Variants in SNX25 observed in about 807,000 individuals in gnomAD.
SNX25 encodes sorting nexin 25, also known as sorting nexin-25.
SNX25 carries 62 observed loss-of-function variants against 113.7 expected under a neutral mutation model. The ratio of observed to expected loss-of-function variants is 0.55; its 90% CI spans 0.44 to 0.67. The LOEUF (loss-of-function observed/expected upper bound fraction) is 0.67. SNX25 is among the 30% of genes least tolerant of loss of function. SNX25 has a pLI of 0.00. For synonymous variants in SNX25, 421 were observed against 436.2 expected (o/e 0.97, Z 0.43); for missense variants, 1,014 against 1,161.0 (o/e 0.87, Z 1.84).
chr4:185,211,705 T>G (rs933815281), intron 1 of SNX25, among the ~76,000 whole-genome samples: 7 of 152,098 alleles, frequency 4.6e-5, no homozygotes, highest in Non-Finnish European at 1.0e-4. Context: ...ATAAATACTG[T>G]GGGATAGTGA....
At chr4:185,284,328 C>G (rs545020141) in intron 5 of SNX25, among the ~76,000 whole-genome samples, 1 of 152,216 alleles carries the variant, frequency 6.6e-6, no homozygotes, top group East Asian at 1.9e-4. Flanking sequence ...AAGTGTGACT[C>G]TTTAAAACAG....
At chr4:185,244,835 C>CT (rs896072798) in intron 1 of SNX25, among the ~76,000 whole-genome samples, 61 of 152,114 alleles carry the variant, frequency 4.0e-4, no homozygotes, top group African/African-American at 1.3e-3. Context: ...CTTTTTTCCT[C>CT]TTTTTTTATA....
At chr4:185,270,079 C>CA (rs35691426) in intron 5 of SNX25, among the ~76,000 whole-genome samples, 2,287 of 123,440 alleles carry the variant, frequency 0.019, 39 homozygotes, top group African/African-American at 0.047. Context: ...AGAAGTAGCT[C>CA]AAAAAAAAAA....
chr4:185,301,143 G>C (rs936060443), intron 6 of SNX25, among the ~76,000 whole-genome samples: 5 of 152,092 alleles, frequency 3.3e-5, no homozygotes, highest in African/African-American at 1.2e-4. Flanking sequence ...TAAACAGGCG[G>C]GCCTTGCTGG....
At chr4:185,278,591 A>G (rs1750092093) in intron 5 of SNX25, among the ~76,000 whole-genome samples, 1 of 152,192 alleles carries the variant, frequency 6.6e-6, no homozygotes, top group Non-Finnish European at 1.5e-5. Context: ...GAAGGTAAAT[A>G]CACTTTCAGA....
In SNX25 at chr4:185,209,847, C is replaced by T; in HGVS notation, c.21C>T (p.Asp7=). The T allele has an allele frequency of 2.5e-5, 25 of 983,492 alleles. No homozygotes were observed. The highest frequency in any genetic ancestry group is 3.0e-5 in the Non-Finnish European group (25 of 829,230). 60.9% of individuals were successfully genotyped at this position (983,492 alleles called of 1,614,324 possible). A position where few individuals can be genotyped will look rare whatever the true frequency, so the allele number is the denominator to read the frequency against. ...GCAGCATGCACCCCGATGCGACCGA[C>T]AGTGGCGGCGCCGGCCCCAGCCCCG... MHPDAT[D]SGGAGPSPAR... is the part of the protein sequence containing the mutation. The change falls in exon 1 of 19, where the codon GAC becomes GAT. Residue 7 remains aspartate (D), a synonymous_variant. Transcript: ENST00000652585. The surrounding 1 kb of genome is among the most constrained non-coding windows in gnomAD (Gnocchi z 5.2).
At chr4:185,315,542 C>T (rs1044393905) in intron 7 of SNX25, among the ~76,000 whole-genome samples, 5 of 152,104 alleles carry the variant, frequency 3.3e-5, no homozygotes, top group Non-Finnish European at 7.3e-5. Context: ...GATCCGCCTG[C>T]CTCTGTCTCC....
intron 7 of SNX25, among the ~76,000 whole-genome samples, chr4:185,311,865 T>C (rs2095033516): frequency 6.6e-6 from 1 of 152,228 alleles, no homozygotes; most frequent in Admixed American, 6.5e-5. Flanking sequence ...TACAGCATCT[T>C]ACACAAGTGG....
intron 6 of SNX25, among the ~76,000 whole-genome samples, 186 bp downstream of exon 6, chr4:185,288,268 C>T (rs1751624977): frequency 6.6e-6 from 1 of 152,156 alleles, no homozygotes; most frequent in Non-Finnish European, 1.5e-5. Context: ...TAACAACAAC[C>T]TTTGTCTGTA....
At chr4:185,278,095 T>C (rs1750015765) in intron 5 of SNX25, among the ~76,000 whole-genome samples, 1 of 152,224 alleles carries the variant, frequency 6.6e-6, no homozygotes, top group South Asian at 2.1e-4. Context: ...TTTTTAGTAA[T>C]GATGTGTTTA....
At chr4:185,376,908 C>A in the SNX25 span, 1 of 1,598,940 alleles carries the variant, frequency 6.3e-7, no homozygotes, top group Non-Finnish European at 8.6e-7. Flanking sequence ...AAAAATGATA[C>A]CTCTTCAAAA....
chr4:185,357,871 A>C, intron 16 of SNX25, 134 bp downstream of exon 16: 2 of 735,636 alleles, frequency 2.7e-6, no homozygotes, highest in Admixed American at 4.7e-5. Context: ...TTCTGATATG[A>C]TTCTAAGATT....
At chr4:185,367,158 C>T, downstream of SNX25, 5 of 1,598,594 alleles carry the variant, frequency 3.1e-6, no homozygotes, top group South Asian at 5.6e-5. Flanking sequence ...CATTGATGAT[C>T]TTTGTTGAAA....
At chr4:185,335,357 CA>C (rs1050154405) in intron 10 of SNX25, among the ~76,000 whole-genome samples, 15 of 138,562 alleles carry the variant, frequency 1.1e-4, no homozygotes, top group Non-Finnish European at 2.2e-4. Flanking sequence ...CACACACACA[CA>C]ACAAAAACAA....
At chr4:185,335,319 C>CAA (rs2095222315) in intron 10 of SNX25, among the ~76,000 whole-genome samples, 1 of 22,782 alleles carries the variant, frequency 4.4e-5, no homozygotes, top group Non-Finnish European at 1.8e-4. Context: ...AAAAGTCTCA[C>CAA]ACACACACAC....
At chr4:185,219,124 G>A (rs1739367937) in intron 1 of SNX25, among the ~76,000 whole-genome samples, 1 of 152,130 alleles carries the variant, frequency 6.6e-6, no homozygotes, top group South Asian at 2.1e-4. Flanking sequence ...CCCTGTTGGG[G>A]TACTCCTGTC....
In SNX25 at chr4:185,347,723, G is replaced by A. The variant is rs186236441; in HGVS notation, c.2301+1073G>A. ...CAACCTCAGATGATCTGCCCACCTC[G>A]ACCTCCCAAAGTGCTGGGACTACAG... is the stretch of plus-strand genomic sequence containing the variant. On this transcript the variant is annotated intron_variant, in intron 13 of 18. Transcript: ENST00000652585. Among the ~76,000 whole-genome samples the A allele has an allele frequency of 1.0e-3, 155 of 152,128 alleles. 1 individual carries two copies. Among genetic ancestry groups the A allele is most frequent in the African/African-American group, 1.5e-3 (62 of 41,494 alleles).
At chr4:185,282,816 A>G (rs1158732149) in intron 5 of SNX25, among the ~76,000 whole-genome samples, 1 of 152,182 alleles carries the variant, frequency 6.6e-6, no homozygotes, top group Non-Finnish European at 1.5e-5. Flanking sequence ...AAAGCGTACA[A>G]ACATCAGCCC....
Position 185,288,006 on chromosome 4 carries a change from A to C in SNX25, c.1092-6A>C. On this transcript the variant is annotated splice_polypyrimidine_tract_variant and splice_region_variant and intron_variant, in intron 5 of 18. Transcript: ENST00000652585. ...AATCTTTTTCTTTTCTCTTTTTAAA[A>C]ATCAGGTATCAAATTGTAGTGGAAA... 1 of 1,605,250 alleles carries C rather than the reference A, an allele frequency of 6.2e-7. No homozygotes were observed. The highest frequency in any genetic ancestry group is 8.5e-7 in the Non-Finnish European group (1 of 1,176,006).
Sources: allele counts gnomAD v4.1 joint callset (sites outside exome capture counted in the v4.1 genomes callset), GRCh38; gene constraint gnomAD v4.1.1; non-coding constraint Gnocchi (gnomAD v3.1); transcripts MANE v1.5; gene names NCBI Gene and HGNC (gene_info 2026-07-23, HGNC 2026-07-21).